Variants in BAK1 observed in about 807,000 individuals in gnomAD.
BAK1 encodes the protein BCL2 antagonist/killer 1.
In BAK1, 19 loss-of-function variants were observed where a neutral mutation model predicts 24.7. That is an observed-to-expected ratio of 0.77 (90% CI 0.54 to 1.13). The LOEUF (loss-of-function observed/expected upper bound fraction) is 1.13, where lower values mean the gene tolerates loss of function less well. Among genes scored for constraint, BAK1 ranks in the 50% most tolerant of loss-of-function variants. The pLI is 0.00. For synonymous variants in BAK1, 86 were observed against 107.3 expected (o/e 0.80, Z 1.23); for missense variants, 194 against 279.4 (o/e 0.69, Z 2.18).
Position 33,577,648 on chromosome 6 carries a change from GC to G in BAK1, c.-31-14del. On this transcript the variant is annotated splice_polypyrimidine_tract_variant and intron_variant, in intron 1 of 5. Coordinates refer to ENST00000374467, the MANE Select transcript of BAK1 (RefSeq NM_001188.4). This position sits in a 1 kb window ranked among gnomAD's most constrained non-coding sequence, Gnocchi z 4.6. ...GGACGGGATCAGCCTGCGGGGAAGG[GC>G]GAGAAAAAGCAGAGATGGGGGTGAG... 3 of 1,505,728 alleles carry G rather than the reference GC, an allele frequency of 2.0e-6. No individual in the cohort carries two copies. The highest frequency in any genetic ancestry group is 2.8e-5 in the African/African-American group (2 of 72,206). 93.3% of individuals were successfully genotyped at this position (1,505,728 alleles called of 1,614,324 possible). A position where few individuals can be genotyped will look rare whatever the true frequency, so the allele number is the denominator to read the frequency against.
chr6:33,574,407 G>A (rs1321769407), intron 4 of BAK1, 193 bp from the exon 5 acceptor site: 1 of 1,469,684 alleles, frequency 6.8e-7, no homozygotes, highest in Non-Finnish European at 9.2e-7. Flanking sequence ...CTCAGGGGCA[G>A]ATGAGCTGGA....
In BAK1 at chr6:33,575,111, A is replaced by C; in HGVS notation, c.350+187T>G. 1.2e-6 allele frequency: 1 copy of C among 852,710 alleles called. No homozygotes were observed. The highest frequency in any genetic ancestry group is 1.9e-6 in the Non-Finnish European group (1 of 521,382). 52.8% of individuals were successfully genotyped at this position (852,710 alleles called of 1,614,324 possible). A position where few individuals can be genotyped will look rare whatever the true frequency, so the allele number is the denominator to read the frequency against. ...TCAAAAGAGCTGTGAGCTAATGCCC[A>C]AAATACAAGTCTGGGACCCCGAAAG... On this transcript the variant is annotated intron_variant, in intron 4 of 5. Coordinates refer to ENST00000374467, the MANE Select transcript of BAK1 (RefSeq NM_001188.4). The surrounding 1 kb of genome is among the most constrained non-coding windows in gnomAD (Gnocchi z 6.3).
intron 2 of BAK1, among the ~76,000 whole-genome samples, chr6:33,576,672 CAAAA>C (rs370237502): frequency 7.8e-6 from 1 of 128,936 alleles, no homozygotes. Flanking sequence ...ACAAAAAAAA[CAAAA>C]AAAAAAAAAA....
intron 2 of BAK1, among the ~76,000 whole-genome samples, chr6:33,576,672 C>CAAAAAAAAAAAA (rs370237502): frequency 1.6e-5 from 2 of 128,926 alleles, no homozygotes; most frequent in East Asian, 2.2e-4. Flanking sequence ...ACAAAAAAAA[C>CAAAAAAAAAAAA]AAAAAAAAAA....
intron 2 of BAK1, among the ~76,000 whole-genome samples, chr6:33,576,946 G>A (rs916058002): frequency 1.3e-5 from 2 of 152,202 alleles, no homozygotes; most frequent in African/African-American, 2.4e-5. Context: ...AGCCCTTTGC[G>A]TGCAGGGAAA....
At chr6:33,574,492 A>C (rs1391359405) in intron 4 of BAK1, 1 of 1,463,624 alleles carries the variant, frequency 6.8e-7, no homozygotes, top group Non-Finnish European at 9.1e-7. Context: ...GGATGGAGTC[A>C]GCGGGGAGAT....
rs1457084159 is a variant in BAK1, at chr6:33,578,998, G to A, written c.-32+1027C>T. Among the ~76,000 whole-genome samples the A allele has an allele frequency of 6.6e-6, 1 of 152,080 alleles. No individual in the cohort carries two copies. The highest frequency in any genetic ancestry group is 1.5e-5 in the Non-Finnish European group (1 of 68,008). On this transcript the variant is annotated intron_variant, in intron 1 of 5. Coordinates refer to ENST00000374467, the MANE Select transcript of BAK1 (RefSeq NM_001188.4). The surrounding 1 kb of genome is among the most constrained non-coding windows in gnomAD (Gnocchi z 4.8). ...GGTGGAGGAGGGCTGGACCACCTGT[G>A]CCCTCACCCAGCTCCCCACTCCTCC... is the stretch of plus-strand genomic sequence containing the variant.
chr6:33,577,868 G>T lies in BAK1; in HGVS notation c.-31-233C>A, dbSNP rs1762873476. On this transcript the variant is annotated intron_variant, in intron 1 of 5. Transcript: ENST00000374467. This position sits in a 1 kb window ranked among gnomAD's most constrained non-coding sequence, Gnocchi z 4.6. Reference sequence around the variant, plus strand: ...TGAGCCACCGTGCCTGGCCTCCTCTGGGACTTTTTATTCTTACTCCAGCAT... The same window carrying T: ...TGAGCCACCGTGCCTGGCCTCCTCTTGGACTTTTTATTCTTACTCCAGCAT... 6.6e-6 allele frequency among the ~76,000 whole-genome samples: 1 copy of T among 152,162 alleles called. No individual in the cohort carries two copies. Among genetic ancestry groups the T allele is most frequent in the African/African-American group, 2.4e-5 (1 of 41,418 alleles).
chr6:33,574,093 C>G lies in BAK1; in HGVS notation c.472G>C (p.Val158Leu), dbSNP rs925053471. ...CAGTGATGCAGCATGAAGTCGACCA[C>G]GAAGCGGGTCACCTGGCCTAGGAAG... is the stretch of plus-strand genomic sequence containing the variant. ...TGFLGQVTRF[V>L]VDFMLHHCIA... Residue 158 changes from valine (V) to leucine (L), a missense_variant, in exon 5 of 6, where the codon GTG becomes CTG. Physicochemically the swap from Val to Leu is conservative, Grantham distance 32. Coordinates refer to ENST00000374467, the MANE Select transcript of BAK1 (RefSeq NM_001188.4). 1 of 1,614,202 alleles carries G rather than the reference C, an allele frequency of 6.2e-7. No homozygotes were observed. The highest frequency in any genetic ancestry group is 2.2e-5 in the East Asian group (1 of 44,880).
In BAK1 at chr6:33,574,050, G is replaced by A; in HGVS notation, c.515C>T (p.Ala172Val). 6.2e-7 allele frequency: 1 copy of A among 1,614,140 alleles called. No individual in the cohort carries two copies. The highest frequency in any genetic ancestry group is 8.5e-7 in the Non-Finnish European group (1 of 1,180,000). Residue 172 changes from alanine to valine, a missense_variant, in exon 5 of 6, where the codon GCA (alanine) becomes GTA (valine). Coordinates refer to ENST00000374467, the MANE Select transcript of BAK1 (RefSeq NM_001188.4). The part of the protein sequence containing the change: ...MLHHCIARWI[A>V]QRGGWVAALN... ...GATACTCACCCAGCCACCCCTCTGT[G>A]CAATCCACCGGGCAATGCAGTGATG... is the stretch of plus-strand genomic sequence containing the variant.
intron 4 of BAK1, 94 bp from the exon 5 acceptor site, chr6:33,574,308 A>C: frequency 6.6e-7 from 1 of 1,507,038 alleles, no homozygotes; most frequent in East Asian, 2.4e-5. Context: ...GCTGGAAGCT[A>C]AATAGCTTAG....
intron 2 of BAK1, among the ~76,000 whole-genome samples, chr6:33,576,158 G>A (rs1762841190): frequency 6.6e-6 from 1 of 151,990 alleles, no homozygotes; most frequent in African/African-American, 2.4e-5. Flanking sequence ...GAGAAACTCT[G>A]TCTCTACTAA....
intron 5 of BAK1, 46 bp from the exon 6 acceptor site, chr6:33,573,953 T>C (rs201779997): frequency 1.8e-4 from 293 of 1,613,550 alleles, no homozygotes; most frequent in Non-Finnish European, 2.2e-4. Flanking sequence ...GCAGAAGATA[T>C]AGGAACCCGA....
At position 33,575,754 on chromosome 6, in the gene BAK1, C is replaced by T; in HGVS notation, c.206+39G>A. 6.2e-7 allele frequency: 1 copy of T among 1,605,586 alleles called. No homozygotes were observed. The highest frequency in any genetic ancestry group is 8.5e-7 in the Non-Finnish European group (1 of 1,175,416). ...AGAGACCCATGCGAGCTACTGCCTC[C>T]CTGAAGATGTCCTTGTGGGCCCAGC... On this transcript the variant is annotated intron_variant, in intron 3 of 5. Coordinates refer to ENST00000374467, the MANE Select transcript of BAK1 (RefSeq NM_001188.4). This position sits in a 1 kb window ranked among gnomAD's most constrained non-coding sequence, Gnocchi z 6.3.
intron 2 of BAK1, among the ~76,000 whole-genome samples, chr6:33,576,674 A>C (rs1280368941): frequency 1.4e-5 from 2 of 146,736 alleles, no homozygotes; most frequent in African/African-American, 5.0e-5. Flanking sequence ...AAAAAAAACA[A>C]AAAAAAAAAA....
chr6:33,576,555 C>T (rs1260174314), intron 2 of BAK1, among the ~76,000 whole-genome samples: 1 of 151,766 alleles, frequency 6.6e-6, no homozygotes, highest in African/African-American at 2.4e-5. Context: ...ATGGCGTGAA[C>T]CCGGGAGTTG....
intron 4 of BAK1, among the ~76,000 whole-genome samples, chr6:33,574,961 G>A (rs920446647): frequency 4.6e-5 from 7 of 152,192 alleles, no homozygotes; most frequent in African/African-American, 1.7e-4. Context: ...TGTGATATGT[G>A]GTTTCAAATT....
In BAK1 at chr6:33,578,632, C is replaced by A. The variant is rs2151257903; in HGVS notation, c.-31-997G>T. Among the ~76,000 whole-genome samples the A allele has an allele frequency of 6.6e-6, 1 of 152,304 alleles. No homozygotes were observed. The highest frequency in any genetic ancestry group is 2.1e-4 in the South Asian group (1 of 4,826). ...CCCATAACCTGCCTCGTACTCCCAC[C>A]ACACACCTGGTCTTCTGTCCCCGGC... On this transcript the variant is annotated intron_variant, in intron 1 of 5. Transcript: ENST00000374467. This position sits in a 1 kb window ranked among gnomAD's most constrained non-coding sequence, Gnocchi z 4.8.
At chr6:33,574,507 T>C in intron 4 of BAK1, 1 of 1,442,186 alleles carries the variant, frequency 6.9e-7, no homozygotes, top group Non-Finnish European at 9.2e-7. Flanking sequence ...GGAGATTACC[T>C]GTGGGTGTTG....
Sources: gnomAD v4.1 joint callset for allele counts (sites outside exome capture counted in the v4.1 genomes callset) on GRCh38, gnomAD v4.1.1 for gene constraint, Gnocchi (gnomAD v3.1) non-coding constraint, MANE v1.5 for transcripts, NCBI Gene and HGNC (gene_info 2026-07-23, HGNC 2026-07-21) for gene names.